Variants in MIER2 observed in about 807,000 individuals in gnomAD.
The protein encoded by MIER2 is mesoderm induction early response protein 2.
In MIER2, 30 loss-of-function variants were observed where a neutral mutation model predicts 67.6. The observed-to-expected ratio is 0.44, with a 90% CI of 0.33 to 0.60. The LOEUF is 0.60. Ranked by LOEUF, MIER2 falls within the 20% of genes least tolerant of loss-of-function variation. The probability of loss-of-function intolerance (pLI) is 0.02; values close to 1 mark genes in which losing one functional copy is unlikely to be tolerated. For missense variants in MIER2, 702 were observed against 745.1 expected, an observed-to-expected ratio of 0.94 and a Z score of 0.67; for synonymous variants, 372 against 312.6, an observed-to-expected ratio of 1.19 and a Z score of -2.00.
In MIER2 at chr19:307,389, A is replaced by G; in HGVS notation, c.1346T>C (p.Leu449Pro). The part of the protein sequence containing the change: ...AVPLSHRPPA[L>P]ADPASYQPAV... ...TGGCTGGTATGAGGCTGGGTCGGCC[A>G]GGGCTGGGGGCCGATGGGACAGGGG... Residue 449 changes from leucine (L) to proline (P), a missense_variant, in exon 13 of 14, where the codon CTG becomes CCG. By Grantham distance (98) the Leu-to-Pro change is moderately conservative (BLOSUM62 -3). Coordinates refer to ENST00000264819, the MANE Select transcript of MIER2 (RefSeq NM_017550.3). The G allele has an allele frequency of 6.2e-7, 1 of 1,607,712 alleles. No homozygotes were observed. The highest frequency in any genetic ancestry group is 8.5e-7 in the Non-Finnish European group (1 of 1,178,228).
At chr19:321,967 C>T (rs574206931) in intron 7 of MIER2, among the ~76,000 whole-genome samples, 6 of 152,062 alleles carry the variant, frequency 3.9e-5, no homozygotes, top group South Asian at 2.1e-4. Context: ...TGCAGTGGCG[C>T]GATCTCGGCT....
chr19:342,086 A>G (rs1568241012), intron 1 of MIER2, among the ~76,000 whole-genome samples: 1 of 151,720 alleles, frequency 6.6e-6, no homozygotes, highest in Non-Finnish European at 1.5e-5. Flanking sequence ...GACTGAAACA[A>G]CCTCCTCCTA....
intron 7 of MIER2, among the ~76,000 whole-genome samples, chr19:324,477 A>C (rs376434948): frequency 7.1e-6 from 1 of 140,032 alleles, no homozygotes; most frequent in Non-Finnish European, 1.5e-5. Context: ...AATGCAATAC[A>C]CAAGACACAC....
intron 3 of MIER2, among the ~76,000 whole-genome samples, chr19:328,361 A>G (rs1971862272): frequency 6.6e-6 from 1 of 152,016 alleles, no homozygotes. Flanking sequence ...ACATCAATAT[A>G]TTAAAGGGGA....
rs753041449 is a variant in MIER2 at position 327,158 on chromosome 19, G to A, written c.468C>T (p.Ser156=). 114 of 1,590,130 alleles carry A rather than the reference G, an allele frequency of 7.2e-5. No individual in the cohort carries two copies. Among genetic ancestry groups the A allele is most frequent in the South Asian group, 4.2e-4 (36 of 86,434 alleles). ...ATCCACTCCGGTTAGGGAAGAGGTC[G>A]GAGGCCTCGTGGGAGGTCACGGACG... ...LTPSVTSHEA[S]DLFPNRSGSR... Residue 156 remains serine, a synonymous_variant, in exon 5 of 14, where the codon TCC becomes TCT. Transcript: ENST00000264819.
At chr19:334,894 G>A (rs1027897782) in intron 2 of MIER2, among the ~76,000 whole-genome samples, 6 of 152,192 alleles carry the variant, frequency 3.9e-5, no homozygotes, top group African/African-American at 4.8e-5. Flanking sequence ...GGACTCAGTC[G>A]AGGTGGGTTC....
At chr19:342,387 C>T (rs1400489499) in intron 1 of MIER2, among the ~76,000 whole-genome samples, 1 of 151,878 alleles carries the variant, frequency 6.6e-6, no homozygotes, top group African/African-American at 2.4e-5. Context: ...CCTGGGGGGC[C>T]TCAGTCGAGG....
intron 7 of MIER2, among the ~76,000 whole-genome samples, chr19:322,731 C>A (rs950781027): frequency 6.6e-6 from 1 of 152,002 alleles, no homozygotes; most frequent in Admixed American, 6.6e-5. Flanking sequence ...GAAACTCAAG[C>A]AGTATGCGTC....
intron 7 of MIER2, among the ~76,000 whole-genome samples, chr19:322,853 T>C (rs1346619957): frequency 6.6e-6 from 1 of 152,122 alleles, no homozygotes; most frequent in African/African-American, 2.4e-5. Flanking sequence ...GAACCAACCA[T>C]GACCGCAGCC....
At chr19:327,054 C>A in intron 5 of MIER2, 79 bp downstream of exon 5, 1 of 1,519,928 alleles carries the variant, frequency 6.6e-7, no homozygotes. Context: ...CTGCATCAGC[C>A]CAAGGACCCT....
chr19:311,886 G>A lies in MIER2; in HGVS notation c.943C>T (p.Arg315Cys), dbSNP rs781678020. Reference sequence around the variant, plus strand: ...AGGTGAAAGTTCTTTCCATGCACACGGAAGCCGTGCTCAAAGTTCCTGCAC... The same window carrying A: ...AGGTGAAAGTTCTTTCCATGCACACAGAAGCCGTGCTCAAAGTTCCTGCAC... ...EECRNFEHGF[R>C]VHGKNFHLIQ... Residue 315 changes from arginine (R) to cysteine (C), a missense_variant, in exon 10 of 14, where the codon CGT becomes TGT. Transcript: ENST00000264819. 9 of 1,614,092 alleles carry A rather than the reference G, an allele frequency of 5.6e-6. No homozygotes were observed. Among genetic ancestry groups the A allele is most frequent in the South Asian group, 1.1e-5 (1 of 91,090 alleles).
intron 10 of MIER2, among the ~76,000 whole-genome samples, chr19:310,008 G>A (rs112949603): frequency 7.6e-4 from 87 of 114,408 alleles, no homozygotes; most frequent in South Asian, 1.6e-3. Flanking sequence ...ACACACACAC[G>A]CACACAAGGC....
intron 7 of MIER2, among the ~76,000 whole-genome samples, chr19:324,618 G>A (rs1971652396): frequency 6.6e-6 from 1 of 150,464 alleles, no homozygotes; most frequent in South Asian, 2.1e-4. Flanking sequence ...CAACCACGCA[G>A]ACGACTCGAA....
At chr19:321,367 G>A (rs547984024) in intron 7 of MIER2, among the ~76,000 whole-genome samples, 2 of 152,258 alleles carry the variant, frequency 1.3e-5, no homozygotes, top group South Asian at 2.1e-4. Context: ...TTTATGGGCC[G>A]GGCGCAGGGG....
At chr19:329,973 G>A (rs1336293970) in intron 3 of MIER2, among the ~76,000 whole-genome samples, 2 of 151,854 alleles carry the variant, frequency 1.3e-5, no homozygotes, top group East Asian at 3.9e-4. Flanking sequence ...GAAGCATGCA[G>A]AATGCACCTG....
At chr19:320,429 A>AC (rs1971454437) in intron 7 of MIER2, among the ~76,000 whole-genome samples, 1 of 149,558 alleles carries the variant, frequency 6.7e-6, no homozygotes, top group Non-Finnish European at 1.5e-5. Flanking sequence ...AATTTAAAAA[A>AC]TAGATACGTA....
At chr19:344,021 T>A in intron 1 of MIER2, 1 of 985,442 alleles carries the variant, frequency 1.0e-6, no homozygotes, top group Non-Finnish European at 1.2e-6. Flanking sequence ...ATCCTCAAAT[T>A]GGAAAAATTC....
Position 306,545 on chromosome 19 carries a change from C to G in MIER2, c.*145G>C. 1 of 1,125,208 alleles carries G rather than the reference C, an allele frequency of 8.9e-7. No individual in the cohort carries two copies. The highest frequency in any genetic ancestry group is 1.3e-6 in the Non-Finnish European group (1 of 779,260). 69.7% of individuals were successfully genotyped at this position (1,125,208 alleles called of 1,614,324 possible). ...AAGGGCTCACGGCCCAGCCACCTCA[C>G]CCCAGTCCTGACGTGTTCTGAAGCA... On this transcript the variant is annotated 3_prime_UTR_variant, in exon 14 of 14. Transcript: ENST00000264819.
chr19:323,455 G>A (rs115493649), intron 7 of MIER2, among the ~76,000 whole-genome samples: 1,936 of 147,792 alleles, frequency 0.013, 49 homozygotes, highest in African/African-American at 0.045. Context: ...CCATGCAGAC[G>A]ACTCGAATGA....
Sources: allele counts gnomAD v4.1 joint callset (sites outside exome capture counted in the v4.1 genomes callset), GRCh38; gene constraint gnomAD v4.1.1; transcripts MANE v1.5; gene names NCBI Gene and HGNC (gene_info 2026-07-23, HGNC 2026-07-21).